The following LMO1 variants were observed in gnomAD, a reference collection of about 807,000 sequenced individuals.
LMO1 encodes the protein LIM domain only 1.
In LMO1, 10 loss-of-function variants were observed where a neutral mutation model predicts 18.0. The ratio of observed to expected loss-of-function variants is 0.55; its 90% CI spans 0.34 to 0.94. The LOEUF (loss-of-function observed/expected upper bound fraction) is 0.94, where lower values mean the gene tolerates loss of function less well. Ranked by LOEUF, LMO1 falls within the 40% of genes least tolerant of loss-of-function variation. The probability of loss-of-function intolerance (pLI) is 0.02; values close to 1 mark genes in which losing one functional copy is unlikely to be tolerated. For missense variants in LMO1, 183 were observed against 205.7 expected (o/e 0.89, Z 0.68); for synonymous variants, 77 against 77.9 (o/e 0.99, Z 0.06).
intron 1 of LMO1, among the ~76,000 whole-genome samples, chr11:8,238,291 A>T (rs1952796668): frequency 6.6e-6 from 1 of 152,248 alleles, no homozygotes; most frequent in Non-Finnish European, 1.5e-5. Flanking sequence ...ATTGAATGAA[A>T]GAAGCTAGAC....
intron 1 of LMO1, among the ~76,000 whole-genome samples, chr11:8,237,020 C>A (rs148712973): frequency 1.3e-5 from 2 of 152,288 alleles, no homozygotes; most frequent in African/African-American, 4.8e-5. Flanking sequence ...ACAAAACCCG[C>A]AAGTAAGAGG....
chr11:8,237,602 C>T (rs1160701471), intron 1 of LMO1, among the ~76,000 whole-genome samples: 1 of 152,260 alleles, frequency 6.6e-6, no homozygotes, highest in Non-Finnish European at 1.5e-5. Flanking sequence ...ATTACCGCCC[C>T]TCTGCACACC....
chr11:8,268,246 C>G (rs866642021), upstream of LMO1, among the ~76,000 whole-genome samples: 98 of 152,300 alleles, frequency 6.4e-4, no homozygotes, highest in African/African-American at 2.3e-3. Context: ...CCGCCGACCC[C>G]GGCACCGGCG....
intron 1 of LMO1, among the ~76,000 whole-genome samples, chr11:8,246,058 A>C (rs80270050): frequency 0.011 from 1,695 of 152,294 alleles, 34 homozygotes; most frequent in African/African-American, 0.038. Context: ...TAAGCCATTC[A>C]TGAGGGAGCC....
intron 1 of LMO1, among the ~76,000 whole-genome samples, chr11:8,261,976 G>A (rs1218103937): frequency 1.3e-5 from 2 of 152,110 alleles, no homozygotes; most frequent in African/African-American, 4.8e-5. Context: ...GCCACCCCCA[G>A]GCCAGATACT....
intron 2 of LMO1, among the ~76,000 whole-genome samples, chr11:8,229,484 C>T (rs113280207): frequency 1.2e-4 from 18 of 152,340 alleles, no homozygotes; most frequent in African/African-American, 3.8e-4. Context: ...CAGCAGCCTG[C>T]GACAGAGCCA....
intron 1 of LMO1, among the ~76,000 whole-genome samples, chr11:8,244,568 C>T (rs973588224): frequency 6.6e-6 from 1 of 152,178 alleles, no homozygotes; most frequent in Non-Finnish European, 1.5e-5. Context: ...GAAAAGCCAC[C>T]CTGCCTCTCT....
intron 1 of LMO1, among the ~76,000 whole-genome samples, chr11:8,256,084 C>A (rs1252616108): frequency 1.3e-5 from 2 of 152,130 alleles, no homozygotes; most frequent in African/African-American, 4.8e-5. Context: ...CTCGGCCTCC[C>A]AAAGTGCTGG....
intron 2 of LMO1, 24 bp downstream of exon 2, chr11:8,230,267 G>A (rs775390101): frequency 1.9e-6 from 3 of 1,609,048 alleles, no homozygotes; most frequent in Non-Finnish European, 2.5e-6. Context: ...CAAGGGCTTG[G>A]GAGGCCAGGG....
intron 1 of LMO1, among the ~76,000 whole-genome samples, chr11:8,235,948 C>T (rs752708080): frequency 3.9e-5 from 6 of 152,204 alleles, no homozygotes; most frequent in Non-Finnish European, 7.3e-5. Flanking sequence ...TGAGGAGCAA[C>T]GAACTGATTT....
At chr11:8,230,147 A>G (rs1489700074) in intron 2 of LMO1, 144 bp downstream of exon 2, 2 of 729,096 alleles carry the variant, frequency 2.7e-6, no homozygotes, top group Non-Finnish European at 4.6e-6. Context: ...ATCTGGGGCA[A>G]GCAGGGCAGG....
At chr11:8,262,584 A>C (rs570181583) in intron 1 of LMO1, among the ~76,000 whole-genome samples, 1 of 152,196 alleles carries the variant, frequency 6.6e-6, no homozygotes, top group Admixed American at 6.5e-5. Context: ...GCAGTTTTCT[A>C]GGGCGCACTG....
At position 8,224,531 on chromosome 11, in the gene LMO1, C is replaced by A. The variant is rs1217959508; in HGVS notation, c.*85G>T. On this transcript the variant is annotated 3_prime_UTR_variant, in exon 4 of 4. Transcript: ENST00000335790. Reference sequence around the variant, plus strand: ...GGCAGGAGAGCGGCTGGCCAGCCTGCACTGGTAGAGTGGCTGGCTGGCCGG... The same window carrying A: ...GGCAGGAGAGCGGCTGGCCAGCCTGAACTGGTAGAGTGGCTGGCTGGCCGG... The A allele has an allele frequency of 2.6e-6, 2 of 781,208 alleles. No homozygotes were observed. Among genetic ancestry groups the A allele is most frequent in the Non-Finnish European group, 2.2e-6 (1 of 464,568 alleles). 48.4% of individuals were successfully genotyped at this position (781,208 alleles called of 1,614,324 possible).
intron 1 of LMO1, among the ~76,000 whole-genome samples, chr11:8,238,670 C>CAAAAAAAA (rs11375128): frequency 3.3e-5 from 2 of 60,866 alleles, no homozygotes; most frequent in Non-Finnish European, 5.7e-5. Flanking sequence ...GACTCCATCT[C>CAAAAAAAA]AAAAAAAAAA....
intron 1 of LMO1, among the ~76,000 whole-genome samples, chr11:8,246,787 G>T (rs925573886): frequency 3.9e-5 from 6 of 151,962 alleles, no homozygotes; most frequent in African/African-American, 1.4e-4. Flanking sequence ...TCAGTCCTGG[G>T]GTCAGCATAG....
chr11:8,247,883 A>G (rs1846922884), intron 1 of LMO1, among the ~76,000 whole-genome samples: 1 of 152,214 alleles, frequency 6.6e-6, no homozygotes, highest in African/African-American at 2.4e-5. Flanking sequence ...GCAGGAGTAC[A>G]TGTTGCAAGT....
upstream of LMO1, chr11:8,268,575 C>T: frequency 1.4e-6 from 1 of 690,850 alleles, no homozygotes; most frequent in Non-Finnish European, 2.0e-6. Flanking sequence ...AGAGCCGCGA[C>T]CGCCGACGGG....
intron 1 of LMO1, among the ~76,000 whole-genome samples, chr11:8,236,267 C>T (rs1346679696): frequency 6.6e-6 from 1 of 151,726 alleles, no homozygotes; most frequent in Non-Finnish European, 1.5e-5. Context: ...TCACAGCTCA[C>T]TGCAGCCTCA....
upstream of LMO1, among the ~76,000 whole-genome samples, chr11:8,265,891 G>A (rs1217152471): frequency 6.6e-6 from 1 of 152,180 alleles, no homozygotes; most frequent in Non-Finnish European, 1.5e-5. Context: ...CACTTTCAGG[G>A]GCTGGCCCTG....
Sources: gnomAD v4.1 joint callset for allele counts (sites outside exome capture counted in the v4.1 genomes callset) on GRCh38, gnomAD v4.1.1 for gene constraint, MANE v1.5 for transcripts, NCBI Gene and HGNC (gene_info 2026-07-23, HGNC 2026-07-21) for gene names.